The following IFT74 variants were observed in gnomAD, a reference collection of about 807,000 sequenced individuals.
The protein encoded by IFT74 is intraflagellar transport 74.
IFT74 carries 92 observed loss-of-function variants against 96.7 expected under a neutral mutation model. That is an observed-to-expected ratio of 0.95 (90% CI 0.80 to 1.13). The LOEUF (loss-of-function observed/expected upper bound fraction) is 1.13, where lower values mean the gene tolerates loss of function less well. Ranked by LOEUF, IFT74 falls within the 50% of genes most tolerant of loss-of-function variation. The pLI is 0.00. For missense variants in IFT74, 811 were observed against 698.2 expected (o/e 1.16, Z -1.82); for synonymous variants, 223 against 213.2 (o/e 1.05, Z -0.40).
At chr9:27,049,183 G>A (rs981683086) in intron 16 of IFT74, among the ~76,000 whole-genome samples, 3 of 152,106 alleles carry the variant, frequency 2.0e-5, no homozygotes, top group African/African-American at 7.2e-5. Context: ...TTCATGTACA[G>A]CCTGTAGAAC....
At chr9:27,020,560 C>G (rs528337170) in intron 12 of IFT74, among the ~76,000 whole-genome samples, 1 of 151,218 alleles carries the variant, frequency 6.6e-6, no homozygotes, top group South Asian at 2.1e-4. Context: ...CTGCAAGCTC[C>G]TCCTCCCAGG....
intron 17 of IFT74, among the ~76,000 whole-genome samples, chr9:27,056,008 A>AGCAGATG (rs1299320315): frequency 6.6e-6 from 1 of 152,140 alleles, no homozygotes; most frequent in Non-Finnish European, 1.5e-5. Context: ...AGAGCATTTC[A>AGCAGATG]GCAGATGTGA....
chr9:26,992,589 A>T (rs1040673747), intron 8 of IFT74, among the ~76,000 whole-genome samples: 1 of 151,974 alleles, frequency 6.6e-6, no homozygotes, highest in African/African-American at 2.4e-5. Context: ...GCTACTCAGG[A>T]GGCTGAGGCA....
intron 13 of IFT74, among the ~76,000 whole-genome samples, chr9:27,040,951 A>G (rs1819450010): frequency 6.6e-6 from 1 of 152,152 alleles, no homozygotes; most frequent in Non-Finnish European, 1.5e-5. Flanking sequence ...GTGAGGACAG[A>G]GGTAGTTTTG....
chr9:27,012,751 C>T (rs1364857889), intron 10 of IFT74, among the ~76,000 whole-genome samples: 7 of 106,404 alleles, frequency 6.6e-5, no homozygotes, highest in Non-Finnish European at 6.8e-5. Flanking sequence ...GAGTATCGCT[C>T]TGTTGCCCAG....
At chr9:27,032,311 C>A (rs1051529353) in intron 13 of IFT74, among the ~76,000 whole-genome samples, 1 of 151,988 alleles carries the variant, frequency 6.6e-6, no homozygotes, top group Non-Finnish European at 1.5e-5. Context: ...TTTAAAAATT[C>A]TTTTTGCTAT....
chr9:26,970,536 C>G (rs1826836366), intron 2 of IFT74, among the ~76,000 whole-genome samples: 2 of 152,256 alleles, frequency 1.3e-5, no homozygotes, highest in Non-Finnish European at 1.5e-5. Flanking sequence ...ATGTTCTTCT[C>G]TATACTTTGA....
At chr9:26,966,283 T>TC (rs1826609129) in intron 2 of IFT74, among the ~76,000 whole-genome samples, 1 of 152,056 alleles carries the variant, frequency 6.6e-6, no homozygotes, top group African/African-American at 2.4e-5. Context: ...TAACTTACAT[T>TC]CCCCCCAACA....
intron 13 of IFT74, among the ~76,000 whole-genome samples, chr9:27,037,619 G>A (rs1368272126): frequency 2.6e-5 from 4 of 152,222 alleles, no homozygotes; most frequent in East Asian, 1.9e-4. Flanking sequence ...AGAGTGTCAA[G>A]CAGGCTTTGG....
chr9:26,972,519 G>A (rs1316022659), intron 2 of IFT74, among the ~76,000 whole-genome samples: 1 of 152,144 alleles, frequency 6.6e-6, no homozygotes, highest in Non-Finnish European at 1.5e-5. Context: ...GGCTTTTCTA[G>A]GGAAGATAGG....
Position 26,980,617 on chromosome 9 carries a change from T to G in IFT74, c.303T>G (p.Leu101=). The change falls in exon 4 of 20, where the codon CTT becomes CTG. Residue 101 remains leucine (L), a splice_region_variant and synonymous_variant. Transcript: ENST00000380062. ...ACAAATCTTACTATCTTGGGCTTCT[T>G]AGGTATGTTAAACATATCTTTTCAT... The part of the protein sequence containing the change: ...ILDKSYYLGL[L]RSKISELTTE... The G allele has an allele frequency of 1.3e-6, 2 of 1,587,612 alleles. No homozygotes were observed. The highest frequency in any genetic ancestry group is 1.7e-4 in the Middle Eastern group (1 of 5,980).
At chr9:26,965,491 A>C (rs978299158) in intron 2 of IFT74, among the ~76,000 whole-genome samples, 14 of 152,182 alleles carry the variant, frequency 9.2e-5, no homozygotes, top group Non-Finnish European at 1.5e-4. Flanking sequence ...GACTGAAATA[A>C]TTTTTCTGAA....
At chr9:26,996,527 G>C (rs760733699) in intron 8 of IFT74, 6 of 1,328,804 alleles carry the variant, frequency 4.5e-6, no homozygotes, top group East Asian at 2.7e-5. Context: ...ATAAGATTTA[G>C]TATAGAGAAA....
chr9:27,029,192 C>G (rs1830009919), intron 13 of IFT74, 88 bp downstream of exon 13: 1 of 908,854 alleles, frequency 1.1e-6, no homozygotes, highest in Non-Finnish European at 1.6e-6. Flanking sequence ...GACTGTTCAA[C>G]TACCTGGGAT....
intron 10 of IFT74, among the ~76,000 whole-genome samples, chr9:27,013,551 C>T (rs1829211822): frequency 1.3e-5 from 2 of 152,188 alleles, no homozygotes; most frequent in Admixed American, 1.3e-4. Context: ...ATTTCCCCTG[C>T]ATTCACTGAC....
rs1003713256 is a variant in IFT74 at position 27,065,045 on chromosome 9, CAGAA to C, written c.*2316_*2319del. Among the ~76,000 whole-genome samples the C allele has an allele frequency of 6.6e-6, 1 of 151,976 alleles. No homozygotes were observed. The highest frequency in any genetic ancestry group is 2.4e-5 in the African/African-American group (1 of 41,388). On this transcript the variant is annotated 3_prime_UTR_variant, in exon 20 of 20. Transcript: ENST00000380062. ...CTCTAGAACTGAACCAATCTTTACGCAGAAAGAAAGTAGGAGGAAGATTGGCCTG... is the reference window on the plus strand; with the variant it reads ...CTCTAGAACTGAACCAATCTTTACGCAGAAAGTAGGAGGAAGATTGGCCTG...
intron 2 of IFT74, among the ~76,000 whole-genome samples, chr9:26,974,027 A>G (rs1393730998): frequency 6.6e-6 from 1 of 151,986 alleles, no homozygotes; most frequent in Non-Finnish European, 1.5e-5. Context: ...CCTCCCTTTC[A>G]ATTCTGGGAT....
At chr9:27,033,334 G>A (rs1786405604) in intron 13 of IFT74, among the ~76,000 whole-genome samples, 1 of 151,986 alleles carries the variant, frequency 6.6e-6, no homozygotes, top group African/African-American at 2.4e-5. Context: ...GAGGGGGGTG[G>A]ATTGCTTGAG....
chr9:27,007,343 A>G (rs893266664), intron 8 of IFT74, among the ~76,000 whole-genome samples: 3 of 152,242 alleles, frequency 2.0e-5, no homozygotes, highest in Admixed American at 2.0e-4. Context: ...TGAAAGAAGA[A>G]ACACTGTTGG....
Sources: allele counts gnomAD v4.1 joint callset (sites outside exome capture counted in the v4.1 genomes callset), GRCh38; gene constraint gnomAD v4.1.1; transcripts MANE v1.5; gene names NCBI Gene and HGNC (gene_info 2026-07-23, HGNC 2026-07-21).